Variants in EPGN observed in about 807,000 individuals in gnomAD.
The protein encoded by EPGN is epithelial mitogen.
EPGN carries 21 observed loss-of-function variants against 20.7 expected under a neutral mutation model. That is an observed-to-expected ratio of 1.01 (90% CI 0.72 to 1.46). EPGN has a LOEUF of 1.46. Ranked by LOEUF, EPGN falls within the 40% of genes most tolerant of loss-of-function variation. The pLI is 0.00. For synonymous variants in EPGN, 69 were observed against 63.8 expected, an observed-to-expected ratio of 1.08 and a Z score of -0.39; for missense variants, 199 against 180.7, an observed-to-expected ratio of 1.10 and a Z score of -0.58.
At chr4:74,309,957 A>C (rs1268966708) in intron 2 of EPGN, among the ~76,000 whole-genome samples, 2 of 152,144 alleles carry the variant, frequency 1.3e-5, no homozygotes, top group Non-Finnish European at 2.9e-5. Flanking sequence ...CAAATAAAGG[A>C]AGATTGTCAT....
At chr4:74,311,328 AAATGAACGTG>A (rs1247194995) in intron 2 of EPGN, among the ~76,000 whole-genome samples, 1 of 152,176 alleles carries the variant, frequency 6.6e-6, no homozygotes, top group South Asian at 2.1e-4. Flanking sequence ...CTATTCAACA[AAATGAACGTG>A]AATTAGAAGA....
At chr4:74,313,631 G>T in intron 4 of EPGN, 1 of 994,350 alleles carries the variant, frequency 1.0e-6, no homozygotes, top group Non-Finnish European at 1.2e-6. Context: ...CTTCCCAGAC[G>T]TCAACTGGGG....
rs1751288850 is a variant in EPGN at position 74,316,607 on chromosome 4, A to G, written c.*1970A>G. On this transcript the variant is annotated 3_prime_UTR_variant, in exon 5 of 5. Transcript: ENST00000413830. ...TTTTCACACAGTATGCAAAGCTTAC[A>G]TCATACCAAGGAGTGGAGAGTTGAA... Among the ~76,000 whole-genome samples the G allele has an allele frequency of 6.6e-6, 1 of 152,232 alleles. No individual in the cohort carries two copies. Among genetic ancestry groups the G allele is most frequent in the Non-Finnish European group, 1.5e-5 (1 of 68,038 alleles).
chr4:74,314,730 G>T lies in EPGN; in HGVS notation c.*93G>T, dbSNP rs1751188451. 5.5e-6 allele frequency: 6 copies of T among 1,094,002 alleles called. No homozygotes were observed. In the Admixed American group the frequency reaches 1.4e-4, roughly 26 times the overall value. The allele number at this position is 1,094,002 out of a possible 1,614,324, so 67.8% of individuals were successfully genotyped here. On this transcript the variant is annotated 3_prime_UTR_variant, in exon 5 of 5. Coordinates refer to ENST00000413830, the MANE Select transcript of EPGN (RefSeq NM_001270989.2). ...ATGAAACAACAAAACTTGTCAAGCT[G>T]ACTAGACTCGAAAATAATGAAAGTT...
At position 74,315,826 on chromosome 4, in the gene EPGN, C is replaced by T. The variant is rs1366942167; in HGVS notation, c.*1189C>T. On this transcript the variant is annotated 3_prime_UTR_variant, in exon 5 of 5. Coordinates refer to ENST00000413830, the MANE Select transcript of EPGN (RefSeq NM_001270989.2). ...AATTAGCTGGGCGTGGTGGTGCATG[C>T]CTGTAATCCCAGCTACTCCAGAGGC... 6.6e-6 allele frequency among the ~76,000 whole-genome samples: 1 copy of T among 151,820 alleles called. No individual in the cohort carries two copies. Among genetic ancestry groups the T allele is most frequent in the Admixed American group, 6.6e-5 (1 of 15,234 alleles).
In EPGN at chr4:74,312,260, A is replaced by G. The variant is rs768259628; in HGVS notation, c.209A>G (p.Asn70Ser). 2.0e-5 allele frequency: 33 copies of G among 1,613,320 alleles called. No individual in the cohort carries two copies. In the East Asian group the frequency reaches 2.5e-4, roughly 12 times the overall value. Residue 70 changes from asparagine (N) to serine (S), a missense_variant, in exon 3 of 5, where the codon AAC becomes AGC. Transcript: ENST00000413830. The part of the protein sequence containing the change: ...CLEDHNSYCI[N>S]GACAFHHELE... ...GAAGATCATAACAGTTACTGCATCAACGGTGCTTGTGCATTCCACCATGAG... is the reference window on the plus strand; with the variant it reads ...GAAGATCATAACAGTTACTGCATCAGCGGTGCTTGTGCATTCCACCATGAG...
intron 4 of EPGN, among the ~76,000 whole-genome samples, chr4:74,313,744 G>C (rs1031417747): frequency 6.6e-6 from 1 of 152,056 alleles, no homozygotes; most frequent in Non-Finnish European, 1.5e-5. Context: ...TTTTCCACAT[G>C]AGTAATTTTT....
At chr4:74,313,215 T>C (rs776627880) in intron 4 of EPGN, 45 bp downstream of exon 4, 2 of 1,577,822 alleles carry the variant, frequency 1.3e-6, no homozygotes, top group Non-Finnish European at 1.7e-6. Context: ...TGCAATCGTT[T>C]GACAAATAGT....
At chr4:74,312,414 A>G in intron 3 of EPGN, 109 bp downstream of exon 3, 1 of 1,302,726 alleles carries the variant, frequency 7.7e-7, no homozygotes, top group Non-Finnish European at 1.0e-6. Context: ...AAAAGGGTGC[A>G]TAATCTGAAC....
intron 2 of EPGN, 48 bp downstream of exon 2, chr4:74,309,230 G>C: frequency 6.5e-7 from 1 of 1,538,150 alleles, no homozygotes; most frequent in Non-Finnish European, 8.9e-7. Flanking sequence ...CTAAAACTTG[G>C]GAGAGAAATT....
rs911841960 is a variant in EPGN at position 74,308,476 on chromosome 4, A to T, written c.-58A>T. On this transcript the variant is annotated 5_prime_UTR_variant, in exon 1 of 5. Transcript: ENST00000413830. The stretch of plus-strand genomic sequence containing the variant: ...ACAAAGACTCAGAGAGCTCAATAAA[A>T]ACCTTCCACCCGTCAGTCTAGAAGG... 5 of 1,443,964 alleles carry T rather than the reference A, an allele frequency of 3.5e-6. No homozygotes were observed. The Admixed American group carries it at 5.9e-5, about 17-fold the overall frequency. The allele number at this position is 1,443,964 out of a possible 1,614,324, so 89.4% of individuals were successfully genotyped here.
intron 4 of EPGN, chr4:74,313,446 A>C: frequency 7.8e-7 from 1 of 1,284,906 alleles, no homozygotes; most frequent in African/African-American, 1.5e-5. Flanking sequence ...ATAAATGAGG[A>C]GGACAGCAGG....
chr4:74,311,440 A>T (rs1262450362), intron 2 of EPGN, among the ~76,000 whole-genome samples: 4 of 152,226 alleles, frequency 2.6e-5, no homozygotes, highest in African/African-American at 9.6e-5. Flanking sequence ...AATATAAAAA[A>T]GAATGCCTTT....
Position 74,313,094 on chromosome 4 carries a change from T to C in EPGN, c.331T>C (p.Tyr111His), listed in dbSNP as rs770514022. Reference sequence around the variant, plus strand: ...ATATGCTGTGGATTCTTATGAAAAATACATTGCAATTGGGATTGGTGTTGG... The same window carrying C: ...ATATGCTGTGGATTCTTATGAAAAACACATTGCAATTGGGATTGGTGTTGG... ...TSYAVDSYEKYIAIGIGVGLL... is the reference protein window; with the variant it reads ...TSYAVDSYEKHIAIGIGVGLL... The change falls in exon 4 of 5, where the codon TAC becomes CAC. Residue 111 changes from tyrosine (Y) to histidine (H), a missense_variant. Physicochemically the swap from Tyr to His is moderately conservative, Grantham distance 83. Coordinates refer to ENST00000413830, the MANE Select transcript of EPGN (RefSeq NM_001270989.2). The C allele has an allele frequency of 6.2e-6, 10 of 1,613,300 alleles. No individual in the cohort carries two copies. Among genetic ancestry groups the C allele is most frequent in the Non-Finnish European group, 8.5e-6 (10 of 1,179,700 alleles).
chr4:74,310,323 G>A (rs1169456251), intron 2 of EPGN, among the ~76,000 whole-genome samples: 3 of 151,892 alleles, frequency 2.0e-5, no homozygotes, highest in South Asian at 2.1e-4. Flanking sequence ...TTAGCTGGAC[G>A]TGGTGGCGCA....
Position 74,312,155 on chromosome 4 carries a change from A to G in EPGN, c.134-30A>G, listed in dbSNP as rs770092400. On this transcript the variant is annotated intron_variant, in intron 2 of 4. Transcript: ENST00000413830. ...TTACCATAAAAGTAAGACACATTTCATTTGCTAACATTGTATCTCCTTTTC... is the reference window on the plus strand; with the variant it reads ...TTACCATAAAAGTAAGACACATTTCGTTTGCTAACATTGTATCTCCTTTTC... 1.0e-5 allele frequency: 16 copies of G among 1,566,854 alleles called. No homozygotes were observed. The South Asian group carries it at 2.0e-4, about 19-fold the overall frequency.
chr4:74,312,056 A>T (rs1325734556), intron 2 of EPGN, 129 bp from the exon 3 acceptor site: 1 of 993,886 alleles, frequency 1.0e-6, no homozygotes, highest in Non-Finnish European at 1.4e-6. Flanking sequence ...TAAGAGAATC[A>T]ATAGTTTAAA....
intron 1 of EPGN, 105 bp downstream of exon 1, chr4:74,308,681 T>C: frequency 1.1e-6 from 1 of 898,210 alleles, no homozygotes; most frequent in Non-Finnish European, 1.7e-6. Flanking sequence ...AGTTGTTCTT[T>C]ATGACAAAGA....
intron 2 of EPGN, among the ~76,000 whole-genome samples, chr4:74,310,140 C>A (rs1260377048): frequency 4.6e-5 from 7 of 152,024 alleles, no homozygotes; most frequent in Admixed American, 4.6e-4. Context: ...AAAGAGGAAA[C>A]ACCTTATTAT....
Sources: gnomAD v4.1 joint callset for allele counts (sites outside exome capture counted in the v4.1 genomes callset) on GRCh38, gnomAD v4.1.1 for gene constraint, MANE v1.5 for transcripts, NCBI Gene and HGNC (gene_info 2026-07-23, HGNC 2026-07-21) for gene names.